CAST: variants seen among roughly 807,000 people sequenced by gnomAD.
The protein encoded by CAST is MIR583 host.
Under a neutral mutation model 119.6 loss-of-function variants are expected in CAST, and 76 were observed. The ratio of observed to expected loss-of-function variants is 0.64; its 90% CI spans 0.53 to 0.77. The LOEUF (loss-of-function observed/expected upper bound fraction) is 0.77, where lower values mean the gene tolerates loss of function less well. Among genes scored for constraint, CAST ranks in the 30% least tolerant of loss-of-function variants. The probability of loss-of-function intolerance (pLI) is 0.00; values close to 1 mark genes in which losing one functional copy is unlikely to be tolerated. For synonymous variants in CAST, 319 were observed against 331.6 expected (o/e 0.96, Z 0.41); for missense variants, 953 against 946.5 (o/e 1.01, Z -0.09).
the CAST span, among the ~76,000 whole-genome samples, chr5:96,248,855 T>G: frequency 1.3e-5 from 2 of 152,236 alleles, no homozygotes; most frequent in African/African-American, 2.4e-5. Context: ...TTCTTAATTT[T>G]GTTGTCAGAT....
the CAST span, chr5:96,079,308 C>T: frequency 3.1e-6 from 1 of 323,550 alleles, no homozygotes; most frequent in South Asian, 2.6e-5. Context: ...ACTCATTTGG[C>T]TATTTTCTCT....
chr5:96,653,374 A>C (rs1248544740), intron 1 of CAST, among the ~76,000 whole-genome samples: 2 of 152,262 alleles, frequency 1.3e-5, no homozygotes, highest in Admixed American at 1.3e-4. Context: ...GACCTAGAAA[A>C]ACAGATGATT....
chr5:96,079,810 C>G, the CAST span, among the ~76,000 whole-genome samples: 2 of 152,086 alleles, frequency 1.3e-5, no homozygotes, highest in African/African-American at 4.8e-5. Context: ...AGAAATTTTT[C>G]TATATCAGCA....
chr5:96,282,283 TTC>T, the CAST span, among the ~76,000 whole-genome samples: 2 of 152,156 alleles, frequency 1.3e-5, no homozygotes, highest in African/African-American at 2.4e-5. Flanking sequence ...CATGAGAACA[TTC>T]TGTTTTATCC....
At chr5:96,534,136 G>A (rs914132561) in intron 1 of CAST, among the ~76,000 whole-genome samples, 1 of 152,160 alleles carries the variant, frequency 6.6e-6, no homozygotes, top group Non-Finnish European at 1.5e-5. Flanking sequence ...AGTAGTAATA[G>A]TAACAAATGT....
At chr5:96,285,474 G>A in the CAST span, among the ~76,000 whole-genome samples, 1 of 152,136 alleles carries the variant, frequency 6.6e-6, no homozygotes. Flanking sequence ...TAAAATGAGA[G>A]GAATTTGCAT....
the CAST span, among the ~76,000 whole-genome samples, chr5:95,982,258 T>C: frequency 1.3e-5 from 2 of 152,122 alleles, no homozygotes; most frequent in African/African-American, 2.4e-5. Context: ...CAAGCTCTAA[T>C]ACTGTTAACT....
the CAST span, among the ~76,000 whole-genome samples, chr5:96,294,719 GC>G: frequency 6.6e-6 from 1 of 152,188 alleles, no homozygotes; most frequent in African/African-American, 2.4e-5. Context: ...AGCTAAGGTT[GC>G]CAGCATTTCG....
At chr5:96,062,154 G>A in the CAST span, among the ~76,000 whole-genome samples, 1 of 152,070 alleles carries the variant, frequency 6.6e-6, no homozygotes, top group East Asian at 1.9e-4. Context: ...CTCAGGATTG[G>A]CATAACATTG....
the CAST span, among the ~76,000 whole-genome samples, chr5:96,250,482 A>G: frequency 6.6e-6 from 1 of 152,152 alleles, no homozygotes; most frequent in Non-Finnish European, 1.5e-5. Context: ...GCAAAAGGCA[A>G]CAGGGTGCAG....
chr5:96,637,360 G>A (rs1373844435), intron 1 of CAST, among the ~76,000 whole-genome samples: 1 of 152,184 alleles, frequency 6.6e-6, no homozygotes, highest in African/African-American at 2.4e-5. Flanking sequence ...TTTAGCCCCA[G>A]AGCACCATAT....
intron 24 of CAST, among the ~76,000 whole-genome samples, chr5:96,759,239 A>G (rs1767110179): frequency 6.6e-6 from 1 of 152,182 alleles, no homozygotes; most frequent in African/African-American, 2.4e-5. Context: ...TTGGGGGAGA[A>G]GTATCACATA....
chr5:96,700,407 A>T (rs943351742), intron 3 of CAST, among the ~76,000 whole-genome samples: 3 of 152,230 alleles, frequency 2.0e-5, no homozygotes, highest in Non-Finnish European at 4.4e-5. Flanking sequence ...GTAATGTACA[A>T]ATAATAACCA....
At chr5:96,505,596 A>G in the CAST span, among the ~76,000 whole-genome samples, 1 of 152,220 alleles carries the variant, frequency 6.6e-6, no homozygotes, top group Non-Finnish European at 1.5e-5. Context: ...CTGCTGACAA[A>G]GGAAAGGCAT....
At chr5:96,141,576 A>T in the CAST span, among the ~76,000 whole-genome samples, 2 of 152,238 alleles carry the variant, frequency 1.3e-5, no homozygotes, top group Admixed American at 6.5e-5. Context: ...GGACACCCAC[A>T]CCATGCCCCA....
the CAST span, among the ~76,000 whole-genome samples, chr5:96,343,045 G>A: frequency 2.0e-5 from 3 of 152,082 alleles, no homozygotes; most frequent in Non-Finnish European, 4.4e-5. Flanking sequence ...GTTTCTAGAA[G>A]AATGATCACA....
chr5:95,975,056 C>A, the CAST span, among the ~76,000 whole-genome samples: 1 of 152,116 alleles, frequency 6.6e-6, no homozygotes, highest in Non-Finnish European at 1.5e-5. Context: ...CAGTGGCATG[C>A]ATGGGCAGAA....
chr5:96,401,715 C>T, the CAST span, among the ~76,000 whole-genome samples: 15 of 152,170 alleles, frequency 9.9e-5, no homozygotes, highest in African/African-American at 2.9e-4. Context: ...TTCTAACATG[C>T]GGGAAACTCA....
At chr5:96,429,446 T>G in the CAST span, 1 of 618,284 alleles carries the variant, frequency 1.6e-6, no homozygotes, top group South Asian at 1.9e-5. Flanking sequence ...GAAATTAATA[T>G]TTTTTTTCTT....
Sources: allele counts gnomAD v4.1 joint callset (sites outside exome capture counted in the v4.1 genomes callset), GRCh38; gene constraint gnomAD v4.1.1; transcripts MANE v1.5; gene names NCBI Gene and HGNC (gene_info 2026-07-23, HGNC 2026-07-21).